The following KDM4C variants were observed in gnomAD, a reference collection of about 807,000 sequenced individuals.
KDM4C encodes lysine demethylase 4C, also known as lysine-specific demethylase 4C.
In KDM4C, 81 loss-of-function variants were observed where a neutral mutation model predicts 129.3. The ratio of observed to expected loss-of-function variants is 0.63; its 90% CI spans 0.52 to 0.75. The LOEUF is 0.75. KDM4C is among the 30% of genes least tolerant of loss of function. The pLI is 0.00. For missense variants in KDM4C, 1,457 were observed against 1,304.0 expected (o/e 1.12, Z -1.81); for synonymous variants, 573 against 456.1 (o/e 1.26, Z -3.26).
At chr9:7,024,683 A>G (rs1586997011) in intron 15 of KDM4C, among the ~76,000 whole-genome samples, 2 of 152,146 alleles carry the variant, frequency 1.3e-5, no homozygotes, top group African/African-American at 2.4e-5. Context: ...TTATGGCTGC[A>G]TAGTATTCCA....
chr9:7,087,532 A>AT (rs1835272014), intron 17 of KDM4C, among the ~76,000 whole-genome samples: 1 of 152,180 alleles, frequency 6.6e-6, no homozygotes, highest in Non-Finnish European at 1.5e-5. Flanking sequence ...GTCATAGGAA[A>AT]TTTTTTAAAA....
intron 5 of KDM4C, among the ~76,000 whole-genome samples, chr9:6,877,726 C>G (rs1192914015): frequency 2.0e-5 from 3 of 152,164 alleles, no homozygotes; most frequent in African/African-American, 7.2e-5. Flanking sequence ...ATGGCAAGAA[C>G]AATGATTTGG....
intron 1 of KDM4C, among the ~76,000 whole-genome samples, chr9:6,747,505 G>T (rs571388276): frequency 7.8e-6 from 1 of 127,716 alleles, no homozygotes; most frequent in African/African-American, 3.1e-5. Flanking sequence ...CCGAGATCGC[G>T]CCACTGCACT....
intron 5 of KDM4C, among the ~76,000 whole-genome samples, chr9:6,855,578 T>C (rs907638112): frequency 3.3e-5 from 5 of 151,942 alleles, no homozygotes; most frequent in African/African-American, 9.7e-5. Context: ...GATGCTCCCA[T>C]TGGATGTCTG....
At chr9:6,765,352 A>G (rs1341695900) in intron 1 of KDM4C, among the ~76,000 whole-genome samples, 4 of 151,868 alleles carry the variant, frequency 2.6e-5, no homozygotes, top group Non-Finnish European at 5.9e-5. Flanking sequence ...TCTGATCTCT[A>G]CTTGAAAGTA....
At chr9:6,733,717 A>G (rs996004102) in intron 1 of KDM4C, among the ~76,000 whole-genome samples, 1 of 152,230 alleles carries the variant, frequency 6.6e-6, no homozygotes. Flanking sequence ...TTAAGAAAGT[A>G]AAGGAATAAA....
intron 5 of KDM4C, among the ~76,000 whole-genome samples, chr9:6,869,191 G>T (rs1842494089): frequency 6.6e-6 from 1 of 152,164 alleles, no homozygotes; most frequent in Non-Finnish European, 1.5e-5. Context: ...CCACAGTTAT[G>T]ACTGCCTGCA....
chr9:7,077,314 A>G (rs1198499723), intron 17 of KDM4C: 1 of 812,636 alleles, frequency 1.2e-6, no homozygotes, highest in South Asian at 5.6e-5. Context: ...TGCTTTGGAC[A>G]TATAGTTGTC....
chr9:7,026,955 C>G (rs540852996), intron 15 of KDM4C, among the ~76,000 whole-genome samples: 10 of 152,066 alleles, frequency 6.6e-5, no homozygotes, highest in South Asian at 6.2e-4. Flanking sequence ...ATTTCAATCT[C>G]TTCGTTAAGT....
chr9:7,019,403 A>T (rs1340025863), intron 15 of KDM4C, among the ~76,000 whole-genome samples: 1 of 152,046 alleles, frequency 6.6e-6, no homozygotes, highest in Non-Finnish European at 1.5e-5. Flanking sequence ...ATGATATTTC[A>T]TTGGTGGCTT....
intron 7 of KDM4C, among the ~76,000 whole-genome samples, chr9:6,889,331 T>C (rs1381476319): frequency 6.6e-6 from 1 of 151,730 alleles, no homozygotes; most frequent in Non-Finnish European, 1.5e-5. Flanking sequence ...GATTCCCTGC[T>C]CCCTCATAAA....
chr9:6,856,574 G>A lies in KDM4C; in HGVS notation c.629+6874G>A, dbSNP rs796755931. Among the ~76,000 whole-genome samples the A allele has an allele frequency of 4.4e-3, 596 of 134,324 alleles. 9 individuals carry two copies. Among genetic ancestry groups the A allele is most frequent in the African/African-American group, 0.017 (564 of 33,836 alleles). 88.1% of individuals were successfully genotyped at this position (134,324 alleles called of 152,430 possible). On this transcript the variant is annotated intron_variant, in intron 5 of 21. Transcript: ENST00000381309. ...TGTGTGTGTGTGTGTGTGTGTGTGT[G>A]TGTGTGTATTTTTTTTTGAGACAGA...
At chr9:6,846,624 T>C (rs1837895018) in intron 4 of KDM4C, among the ~76,000 whole-genome samples, 1 of 152,208 alleles carries the variant, frequency 6.6e-6, no homozygotes. Context: ...TTTAGCAAAA[T>C]AAATTACTTT....
At chr9:6,808,942 C>G (rs925479718) in intron 3 of KDM4C, among the ~76,000 whole-genome samples, 1 of 151,834 alleles carries the variant, frequency 6.6e-6, no homozygotes, top group Non-Finnish European at 1.5e-5. Context: ...CTTACAAAAA[C>G]AAAATAAAAA....
chr9:6,971,176 T>C (rs1831921690), intron 8 of KDM4C, among the ~76,000 whole-genome samples: 1 of 152,206 alleles, frequency 6.6e-6, no homozygotes, highest in Non-Finnish European at 1.5e-5. Flanking sequence ...ATGAGTAATC[T>C]TTGCTGTGAT....
At chr9:6,881,391 A>G (rs942444617) in intron 6 of KDM4C, among the ~76,000 whole-genome samples, 1 of 152,204 alleles carries the variant, frequency 6.6e-6, no homozygotes, top group Non-Finnish European at 1.5e-5. Flanking sequence ...GTTTTCATGA[A>G]TAAGTTTTGG....
chr9:6,917,636 G>T (rs565471136), intron 8 of KDM4C, among the ~76,000 whole-genome samples: 1 of 152,140 alleles, frequency 6.6e-6, no homozygotes, highest in African/African-American at 2.4e-5. Flanking sequence ...ACGATGCCCA[G>T]CAGTCCAGCC....
At chr9:6,739,322 C>T (rs944246082) in intron 1 of KDM4C, among the ~76,000 whole-genome samples, 1 of 152,046 alleles carries the variant, frequency 6.6e-6, no homozygotes, top group Non-Finnish European at 1.5e-5. Flanking sequence ...ACCTGTCCCC[C>T]TGCACCTCCC....
At chr9:6,813,914 AT>A (rs543426386) in intron 3 of KDM4C, among the ~76,000 whole-genome samples, 3 of 151,888 alleles carry the variant, frequency 2.0e-5, no homozygotes, top group Non-Finnish European at 2.9e-5. Context: ...TATATTCTGT[AT>A]TTTTTTTAGC....
Sources: gnomAD v4.1 joint callset for allele counts (sites outside exome capture counted in the v4.1 genomes callset) on GRCh38, gnomAD v4.1.1 for gene constraint, MANE v1.5 for transcripts, NCBI Gene and HGNC (gene_info 2026-07-23, HGNC 2026-07-21) for gene names.